IQSEC3: variants seen among roughly 807,000 people sequenced by gnomAD.
The protein encoded by IQSEC3 is IQ motif and Sec7 domain ArfGEF 3.
Under a neutral mutation model 105.4 loss-of-function variants are expected in IQSEC3, and 50 were observed. That is an observed-to-expected ratio of 0.47 (90% confidence interval 0.38 to 0.60). The LOEUF is 0.60. Among genes scored for constraint, IQSEC3 ranks in the 20% least tolerant of loss-of-function variants. The probability of loss-of-function intolerance (pLI) is 0.00; values close to 1 mark genes in which losing one functional copy is unlikely to be tolerated. For missense variants in IQSEC3, 1,415 were observed against 1,630.0 expected (o/e 0.87, Z 2.27); for synonymous variants, 708 against 746.0 (o/e 0.95, Z 0.83).
intron 2 of IQSEC3, among the ~76,000 whole-genome samples, chr12:113,291 T>G (rs148551124): frequency 5.9e-5 from 9 of 152,366 alleles, no homozygotes; most frequent in African/African-American, 1.9e-4. Flanking sequence ...ATCCTCAGCC[T>G]CTGACCTTGT....
chr12:116,883 G>A (rs1186645026), intron 2 of IQSEC3, among the ~76,000 whole-genome samples: 1 of 152,224 alleles, frequency 6.6e-6, no homozygotes, highest in Non-Finnish European at 1.5e-5. Flanking sequence ...ACAAATTCAG[G>A]ACAGGGATTC....
At chr12:86,838 G>C (rs1267377988) in intron 1 of IQSEC3, among the ~76,000 whole-genome samples, 1 of 151,916 alleles carries the variant, frequency 6.6e-6, no homozygotes, top group East Asian at 1.9e-4. Flanking sequence ...CAGATAATCT[G>C]CCTGTGATTC....
intron 11 of IQSEC3, 81 bp downstream of exon 11, chr12:165,971 G>C (rs782263363): frequency 5.4e-5 from 82 of 1,513,050 alleles, no homozygotes; most frequent in Admixed American, 1.9e-5. Flanking sequence ...AGACATGCCT[G>C]ACTCCAGGGA....
rs571100970 is a variant in IQSEC3 at position 162,875 on chromosome 12, G to A, written c.2584-619G>A. The stretch of plus-strand genomic sequence containing the variant: ...TCATATCTGCAGGCCGCAGCCTGGG[G>A]CAGGGGATGCCCTCAAGGTTACGGA... On this transcript the variant is annotated intron_variant, in intron 8 of 13. Transcript: ENST00000538872. Among the ~76,000 whole-genome samples the A allele has an allele frequency of 1.9e-3, 295 of 152,240 alleles. 2 individuals are homozygous for A. The highest frequency in any genetic ancestry group is 3.3e-3 in the Non-Finnish European group (225 of 67,992).
intron 1 of IQSEC3, among the ~76,000 whole-genome samples, chr12:78,840 G>T (rs552572836): frequency 6.6e-6 from 1 of 152,100 alleles, no homozygotes; most frequent in Non-Finnish European, 1.5e-5. Context: ...AGGGCTCGAC[G>T]CGGGGTGGTT....
At chr12:125,502 A>G in intron 2 of IQSEC3, 131 bp from the exon 3 acceptor site, 3 of 939,536 alleles carry the variant, frequency 3.2e-6, no homozygotes, top group Non-Finnish European at 2.9e-6. Context: ...GGAGACTGTG[A>G]AAGACACCCC....
chr12:163,464 T>C, intron 8 of IQSEC3, 30 bp from the exon 9 acceptor site: 1 of 1,570,650 alleles, frequency 6.4e-7, no homozygotes, highest in Non-Finnish European at 8.7e-7. Flanking sequence ...GCCTCTGGTC[T>C]CTCCCGCTGA....
chr12:94,424 G>A (rs781869056), intron 1 of IQSEC3, among the ~76,000 whole-genome samples: 1 of 152,212 alleles, frequency 6.6e-6, no homozygotes, highest in Non-Finnish European at 1.5e-5. Context: ...AGGCAGGCAA[G>A]GCAGGACTTA....
intron 10 of IQSEC3, 23 bp from the exon 11 acceptor site, chr12:165,706 G>GGGGC (rs1867138774): frequency 1.2e-6 from 2 of 1,611,398 alleles, no homozygotes; most frequent in Non-Finnish European, 1.7e-6. Flanking sequence ...CAGCCCACTG[G>GGGGC]GGGCCTGGGG....
At position 135,461 on chromosome 12, in the gene IQSEC3, G is replaced by A. The variant is rs77066918; in HGVS notation, c.904-2806G>A. On this transcript the variant is annotated intron_variant, in intron 3 of 13. Coordinates refer to ENST00000538872, the MANE Select transcript of IQSEC3 (RefSeq NM_001170738.2). ...GATCAAGTGGGGAAGTGTCCAGTTC[G>A]TACCGTGGGCAAAATTCTCAGATGG... Among the ~76,000 whole-genome samples the A allele has an allele frequency of 6.0e-3, 914 of 152,308 alleles. 10 individuals carry two copies. The highest frequency in any genetic ancestry group is 0.054 in the Middle Eastern group (16 of 294).
intron 1 of IQSEC3, among the ~76,000 whole-genome samples, chr12:96,104 A>G (rs1864235684): frequency 6.6e-6 from 1 of 152,234 alleles, no homozygotes; most frequent in East Asian, 1.9e-4. Flanking sequence ...GACATGAGAC[A>G]TCAGTGACTT....
At position 169,026 on chromosome 12, in the gene IQSEC3, G is replaced by A; in HGVS notation, c.2985G>A (p.Lys995=). 1 of 1,614,082 alleles carries A rather than the reference G, an allele frequency of 6.2e-7. No individual in the cohort carries two copies. Among genetic ancestry groups the A allele is most frequent in the Admixed American group, 1.7e-5 (1 of 60,022 alleles). The change falls in exon 12 of 14, where the codon AAG becomes AAA. Residue 995 remains lysine (K), a synonymous_variant. Transcript: ENST00000538872. ...EQIRIEWELE[K]QQGTKTLSFK... is the part of the protein sequence containing the mutation. ...TGCATTCCTTAGGGGAGCTGGAGAAGCAGCAGGGAACAAAGACACTCTCCT... is the reference window on the plus strand; with the variant it reads ...TGCATTCCTTAGGGGAGCTGGAGAAACAGCAGGGAACAAAGACACTCTCCT...
At position 169,066 on chromosome 12, in the gene IQSEC3, G is replaced by A. The variant is rs782265502; in HGVS notation, c.3025G>A (p.Ala1009Thr). The change falls in exon 12 of 14, where the codon GCC becomes ACC. Residue 1009 changes from alanine (A) to threonine (T), a missense_variant. Ala to Thr is a moderately conservative substitution (Grantham distance 58, BLOSUM62 0). Coordinates refer to ENST00000538872, the MANE Select transcript of IQSEC3 (RefSeq NM_001170738.2). ...GACACTCTCCTTCAAGCCCTGCGGAGCCCAGGGGGACCCACAGTCAAAGCA... is the reference window on the plus strand; with the variant it reads ...GACACTCTCCTTCAAGCCCTGCGGAACCCAGGGGGACCCACAGTCAAAGCA... ...TKTLSFKPCGAQGDPQSKQGS... is the reference protein window; with the variant it reads ...TKTLSFKPCGTQGDPQSKQGS... 2 of 1,614,060 alleles carry A rather than the reference G, an allele frequency of 1.2e-6. No individual in the cohort carries two copies. The highest frequency in any genetic ancestry group is 1.3e-5 in the African/African-American group (1 of 75,060).
chr12:111,003 C>T (rs987370569), intron 2 of IQSEC3, among the ~76,000 whole-genome samples: 2 of 152,186 alleles, frequency 1.3e-5, no homozygotes, highest in Non-Finnish European at 2.9e-5. Flanking sequence ...CGTGACCCCC[C>T]GATTCCTCTT....
At chr12:78,221 C>T (rs1456446138) in intron 1 of IQSEC3, among the ~76,000 whole-genome samples, 7 of 151,534 alleles carry the variant, frequency 4.6e-5, no homozygotes, top group African/African-American at 1.4e-4. Flanking sequence ...CCCGAGGGGG[C>T]TCGGAAGGGG....
At chr12:77,926 C>A (rs1555069699) in intron 1 of IQSEC3, among the ~76,000 whole-genome samples, 1 of 151,624 alleles carries the variant, frequency 6.6e-6, no homozygotes, top group Non-Finnish European at 1.5e-5. Context: ...AGCCGGCAGG[C>A]GAGAAGGAAT....
intron 2 of IQSEC3, among the ~76,000 whole-genome samples, chr12:107,684 A>C (rs112986339): frequency 7.0e-4 from 107 of 152,192 alleles, no homozygotes; most frequent in Middle Eastern, 3.4e-3. Context: ...TGCTGGGATT[A>C]CAGGCGTGAG....
intron 2 of IQSEC3, chr12:106,744 A>C (rs998592061): frequency 6.6e-6 from 1 of 152,218 alleles, no homozygotes; most frequent in Non-Finnish European, 1.5e-5. Context: ...TTCCAGGAAG[A>C]GTAACCTTTG....
chr12:110,681 A>G lies in IQSEC3; in HGVS notation c.623+11467A>G, dbSNP rs147671897. 2.2e-3 allele frequency among the ~76,000 whole-genome samples: 335 copies of G among 152,196 alleles called. 1 individual carries two copies. The highest frequency in any genetic ancestry group is 7.8e-3 in the African/African-American group (322 of 41,512). ...CCAGGAAACAGAATATTTATGATTGACATTATCTTAGCCCAAGTATAAAAA... is the reference window on the plus strand; with the variant it reads ...CCAGGAAACAGAATATTTATGATTGGCATTATCTTAGCCCAAGTATAAAAA... On this transcript the variant is annotated intron_variant, in intron 2 of 13. Coordinates refer to ENST00000538872, the MANE Select transcript of IQSEC3 (RefSeq NM_001170738.2).
Sources: gnomAD v4.1 joint callset for allele counts (sites outside exome capture counted in the v4.1 genomes callset) on GRCh38, gnomAD v4.1.1 for gene constraint, MANE v1.5 for transcripts, NCBI Gene and HGNC (gene_info 2026-07-23, HGNC 2026-07-21) for gene names.